SLC36A1: variants seen among roughly 807,000 people sequenced by gnomAD.
SLC36A1 encodes the protein solute carrier family 36 member 1, also known as proton-coupled amino acid transporter 1.
In SLC36A1, 30 loss-of-function variants were observed where a neutral mutation model predicts 47.5. The ratio of observed to expected loss-of-function variants is 0.63; its 90% CI spans 0.47 to 0.86. The LOEUF is 0.86. Ranked by LOEUF, SLC36A1 falls within the 40% of genes least tolerant of loss-of-function variation. The pLI, the probability that SLC36A1 is intolerant of heterozygous loss-of-function variation, is 0.00. For missense variants in SLC36A1, 517 were observed against 606.0 expected (o/e 0.85, Z 1.54); for synonymous variants, 255 against 249.7 (o/e 1.02, Z -0.20).
At chr5:151,376,041 A>G in the SLC36A1 span, among the ~76,000 whole-genome samples, 1 of 152,086 alleles carries the variant, frequency 6.6e-6, no homozygotes. Flanking sequence ...TTGAATAGGA[A>G]TGGTGAGAGT....
chr5:151,458,309 TAC>T (rs758049813), intron 1 of SLC36A1, among the ~76,000 whole-genome samples: 16,730 of 80,434 alleles, frequency 0.21, 1,158 homozygotes, highest in East Asian at 0.43. Flanking sequence ...CACGTGTATA[TAC>T]GTATATATAT....
the SLC36A1 span, among the ~76,000 whole-genome samples, chr5:151,356,492 T>C: frequency 6.6e-6 from 1 of 152,152 alleles, no homozygotes. Context: ...GTCATCTTTG[T>C]GTTCCCTTTC....
the SLC36A1 span, among the ~76,000 whole-genome samples, chr5:151,417,441 GCCCTA>G: frequency 1.4e-4 from 22 of 152,300 alleles, no homozygotes; most frequent in Admixed American, 6.5e-4. Flanking sequence ...AAGGCCTTGG[GCCCTA>G]CCCACGAAAC....
the SLC36A1 span, among the ~76,000 whole-genome samples, chr5:151,405,941 T>C: frequency 2.0e-5 from 3 of 152,184 alleles, no homozygotes; most frequent in African/African-American, 7.2e-5. Context: ...TGCAACCCAG[T>C]AGATAGTGCT....
At chr5:151,381,030 G>A in the SLC36A1 span, 4 of 402,010 alleles carry the variant, frequency 9.9e-6, no homozygotes, top group Non-Finnish European at 1.5e-5. Context: ...TTGTTGAAGA[G>A]GCGGGAGGTG....
the SLC36A1 span, among the ~76,000 whole-genome samples, chr5:151,498,586 C>T: frequency 6.6e-6 from 1 of 152,178 alleles, no homozygotes; most frequent in Non-Finnish European, 1.5e-5. Flanking sequence ...CCAGTTGATT[C>T]CTTCATTCCT....
chr5:151,542,686 G>T, the SLC36A1 span: 2 of 1,614,082 alleles, frequency 1.2e-6, no homozygotes, highest in East Asian at 4.5e-5. Flanking sequence ...AATGACTGAG[G>T]TCCCCACTGG....
At chr5:151,462,374 C>CTT (rs34114557) in intron 2 of SLC36A1, among the ~76,000 whole-genome samples, 2 of 140,910 alleles carry the variant, frequency 1.4e-5, no homozygotes, top group Non-Finnish European at 3.1e-5. Flanking sequence ...TTTTTTTTTT[C>CTT]TTTTTTTTTT....
At chr5:151,378,164 T>C in the SLC36A1 span, 2 of 294,074 alleles carry the variant, frequency 6.8e-6, no homozygotes, top group Non-Finnish European at 1.4e-5. Flanking sequence ...AGCAGGACAA[T>C]CATTCACTTT....
At chr5:151,474,828 A>T (rs1425234845) in intron 8 of SLC36A1, among the ~76,000 whole-genome samples, 1 of 152,230 alleles carries the variant, frequency 6.6e-6, no homozygotes, top group East Asian at 1.9e-4. Flanking sequence ...ATTCCTGGCC[A>T]AGGGCGCCAC....
At chr5:151,383,570 A>ATTTT in the SLC36A1 span, among the ~76,000 whole-genome samples, 1 of 137,164 alleles carries the variant, frequency 7.3e-6, no homozygotes, top group Non-Finnish European at 1.5e-5. Flanking sequence ...TTTTAACTTA[A>ATTTT]ATTTTTTTTT....
In SLC36A1 at chr5:151,467,165, A is replaced by G. The variant is rs1172897230; in HGVS notation, c.420-34A>G. On this transcript the variant is annotated intron_variant, in intron 5 of 10. Transcript: ENST00000243389. ...CTGGGAGCATTGCATTTGTATTGTA[A>G]CAGTCTTTGTATTCCTTCCTTCCCC... 1.0e-5 allele frequency: 15 copies of G among 1,499,818 alleles called. No individual in the cohort carries two copies. The African/African-American group carries it at 1.3e-4, about 13-fold the overall frequency. 92.9% of individuals were successfully genotyped at this position (1,499,818 alleles called of 1,614,324 possible). A position where few individuals can be genotyped will look rare whatever the true frequency, so the allele number is the denominator to read the frequency against.
the SLC36A1 span, among the ~76,000 whole-genome samples, chr5:151,415,316 G>A: frequency 1.3e-5 from 2 of 152,146 alleles, no homozygotes; most frequent in African/African-American, 4.8e-5. Flanking sequence ...GCATTCTGAT[G>A]TATTAACTTG....
chr5:151,462,445 A>G (rs187852292), intron 2 of SLC36A1, among the ~76,000 whole-genome samples: 61 of 151,966 alleles, frequency 4.0e-4, no homozygotes, highest in Admixed American at 1.2e-3. Context: ...GCTCACTGCA[A>G]CCTCTGCCTC....
chr5:151,454,710 C>CTT (rs34814099), intron 1 of SLC36A1, among the ~76,000 whole-genome samples: 5,707 of 107,810 alleles, frequency 0.053, 443 homozygotes, highest in Non-Finnish European at 0.057. Flanking sequence ...CATGTGACAG[C>CTT]TTTTTTTTTT....
At chr5:151,545,101 G>A in the SLC36A1 span, 2 of 1,614,168 alleles carry the variant, frequency 1.2e-6, no homozygotes, top group Non-Finnish European at 1.7e-6. Flanking sequence ...AAACATATCT[G>A]TGCCATTCAA....
the SLC36A1 span, chr5:151,380,814 C>T: frequency 2.0e-6 from 1 of 497,302 alleles, no homozygotes; most frequent in South Asian, 1.6e-5. Flanking sequence ...ATGGTTCCAC[C>T]AGAACTGGCA....
chr5:151,382,781 T>A, the SLC36A1 span, among the ~76,000 whole-genome samples: 1 of 152,176 alleles, frequency 6.6e-6, no homozygotes, highest in South Asian at 2.1e-4. Flanking sequence ...GGTACCAGAA[T>A]AATTTTGCCT....
At chr5:151,505,282 C>T in the SLC36A1 span, 2 of 486,166 alleles carry the variant, frequency 4.1e-6, no homozygotes, top group Non-Finnish European at 3.6e-6. Flanking sequence ...CTGTCTCTCG[C>T]CCACCCCGGG....
Sources: allele counts gnomAD v4.1 joint callset (sites outside exome capture counted in the v4.1 genomes callset), GRCh38; gene constraint gnomAD v4.1.1; transcripts MANE v1.5; gene names NCBI Gene and HGNC (gene_info 2026-07-23, HGNC 2026-07-21).